Variants in PLVAP observed in about 807,000 individuals in gnomAD.
PLVAP encodes the protein plasmalemma vesicle associated protein.
A neutral mutation model predicts 43.1 loss-of-function variants in PLVAP; 34 were observed. That is an observed-to-expected ratio of 0.79 (90% CI 0.60 to 1.05). PLVAP has a LOEUF of 1.05. Among genes scored for constraint, PLVAP ranks in the 50% least tolerant of loss-of-function variants. PLVAP has a pLI of 0.00. For synonymous variants in PLVAP, 241 were observed against 237.3 expected (o/e 1.02, Z -0.14); for missense variants, 574 against 593.4 (o/e 0.97, Z 0.34).
intron 1 of PLVAP, among the ~76,000 whole-genome samples, chr19:17,371,901 G>T (rs917956592): frequency 3.3e-5 from 5 of 152,110 alleles, no homozygotes; most frequent in Admixed American, 3.3e-4. Flanking sequence ...AGGAGAGTTT[G>T]TCTTTCTGCA....
chr19:17,353,997 T>A (rs1395120189), intron 5 of PLVAP, among the ~76,000 whole-genome samples: 1 of 152,174 alleles, frequency 6.6e-6, no homozygotes, highest in Non-Finnish European at 1.5e-5. Context: ...ACTCCCATCT[T>A]AAGCCCATAC....
At chr19:17,355,034 A>G (rs540174941) in intron 5 of PLVAP, among the ~76,000 whole-genome samples, 2 of 151,238 alleles carry the variant, frequency 1.3e-5, no homozygotes, top group African/African-American at 4.8e-5. Flanking sequence ...CCAGCCTAGT[A>G]AACATGGTGA....
In PLVAP at chr19:17,365,774, C is replaced by T. The variant is rs753279889; in HGVS notation, c.691G>A (p.Asp231Asn). The change falls in exon 3 of 6, where the codon GAC (aspartate) becomes AAC (asparagine). Residue 231 changes from aspartate (D) to asparagine (N), a missense_variant. By Grantham distance (23) the Asp-to-Asn change is conservative. Coordinates refer to ENST00000252590, the MANE Select transcript of PLVAP (RefSeq NM_031310.3). ...TTACGAAGGTCCATCTCAAACTTGT[C>T]CTTGTCCAGGGGCAGGCAGAGGGCT... ...VQALCLPLDK[D>N]KFEMDLRNLW... The T allele has an allele frequency of 2.8e-5, 45 of 1,613,992 alleles. No individual in the cohort carries two copies. In the Admixed American group the frequency reaches 5.8e-4, roughly 21 times the overall value.
chr19:17,372,301 C>T (rs944313721), intron 1 of PLVAP, among the ~76,000 whole-genome samples: 40 of 149,280 alleles, frequency 2.7e-4, no homozygotes, highest in African/African-American at 7.4e-4. Context: ...CCCAGCTACT[C>T]GGGAGGCTGA....
At chr19:17,356,218 G>C (rs1040635257) in intron 5 of PLVAP, among the ~76,000 whole-genome samples, 1 of 152,212 alleles carries the variant, frequency 6.6e-6, no homozygotes, top group East Asian at 1.9e-4. Flanking sequence ...GCTGAGGCAT[G>C]AGAATCGCTT....
At position 17,352,014 on chromosome 19, in the gene PLVAP, GT is replaced by G. The variant is rs2074487663; in HGVS notation, c.*347del. On this transcript the variant is annotated 3_prime_UTR_variant, in exon 6 of 6. Transcript: ENST00000252590. ...GCATCTCGGTGTGACGTCATGCCAA[GT>G]TCCCCATGTCTGTGTGCGACGTGCT... 2.9e-6 allele frequency: 1 copy of G among 345,778 alleles called. No individual in the cohort carries two copies. The highest frequency in any genetic ancestry group is 2.1e-5 in the African/African-American group (1 of 48,272). 21.4% of individuals were successfully genotyped at this position (345,778 alleles called of 1,614,324 possible).
chr19:17,364,001 C>T (rs112025369), intron 3 of PLVAP, among the ~76,000 whole-genome samples: 153 of 152,124 alleles, frequency 1.0e-3, no homozygotes, highest in African/African-American at 3.5e-3. Context: ...CCACCTCGGC[C>T]GCCCAAAGTG....
intron 5 of PLVAP, among the ~76,000 whole-genome samples, chr19:17,355,537 T>C (rs1364028217): frequency 2.0e-5 from 3 of 149,820 alleles, no homozygotes; most frequent in African/African-American, 4.9e-5. Context: ...TAATTTTTTT[T>C]TTTTTTTTTG....
intron 1 of PLVAP, among the ~76,000 whole-genome samples, chr19:17,372,703 A>G (rs2074577749): frequency 6.7e-6 from 1 of 149,572 alleles, no homozygotes; most frequent in South Asian, 2.2e-4. Flanking sequence ...TGATCCACCC[A>G]CCTCGGCCTC....
intron 1 of PLVAP, among the ~76,000 whole-genome samples, chr19:17,376,670 T>A (rs985705671): frequency 6.6e-6 from 1 of 150,960 alleles, no homozygotes; most frequent in East Asian, 2.0e-4. Context: ...TGATGGCACA[T>A]GCCTGTAATC....
intron 5 of PLVAP, among the ~76,000 whole-genome samples, chr19:17,358,164 C>G (rs945574403): frequency 2.6e-5 from 4 of 151,596 alleles, no homozygotes; most frequent in African/African-American, 9.7e-5. Flanking sequence ...GTGGGCTGCT[C>G]AGGGCTGAGA....
At chr19:17,358,614 C>T (rs1211125680) in intron 5 of PLVAP, among the ~76,000 whole-genome samples, 4 of 152,148 alleles carry the variant, frequency 2.6e-5, no homozygotes, top group African/African-American at 9.7e-5. Context: ...CTGTGACGCA[C>T]AGGCCACCCT....
At chr19:17,354,453 C>T (rs1267446021) in intron 5 of PLVAP, among the ~76,000 whole-genome samples, 3 of 151,776 alleles carry the variant, frequency 2.0e-5, no homozygotes, top group Admixed American at 6.6e-5. Context: ...AAAAATTAGC[C>T]GGGTGTGGTG....
At chr19:17,356,802 A>C (rs1321672987) in intron 5 of PLVAP, among the ~76,000 whole-genome samples, 6 of 151,792 alleles carry the variant, frequency 4.0e-5, no homozygotes, top group Non-Finnish European at 8.8e-5. Flanking sequence ...TCTACTAAAA[A>C]AACAAAATTA....
rs1170359478 is a variant in PLVAP at position 17,377,041 on chromosome 19, T to C, written c.248A>G (p.Asn83Ser). 6.2e-7 allele frequency: 1 copy of C among 1,613,874 alleles called. No individual in the cohort carries two copies. The highest frequency in any genetic ancestry group is 8.5e-7 in the Non-Finnish European group (1 of 1,179,998). The change falls in exon 1 of 6, where the codon AAC becomes AGC. Residue 83 changes from asparagine to serine, a missense_variant. Coordinates refer to ENST00000252590, the MANE Select transcript of PLVAP (RefSeq NM_031310.3). ...GGTGAAGTTGAGCTCCTTGGTCAAG[T>C]TGGACTGGGAGGCCGTGAGCCCTAG... Reference protein sequence around the residue: ...QLLGLTASQSNLTKELNFTTR... With the variant: ...QLLGLTASQSSLTKELNFTTR...
At chr19:17,370,632 T>C (rs1169501628) in intron 1 of PLVAP, among the ~76,000 whole-genome samples, 1 of 151,790 alleles carries the variant, frequency 6.6e-6, no homozygotes, top group Non-Finnish European at 1.5e-5. Flanking sequence ...CTGTCAGGGA[T>C]TGGGGGAGGG....
chr19:17,353,939 T>C (rs1165843470), intron 5 of PLVAP, among the ~76,000 whole-genome samples: 2 of 151,952 alleles, frequency 1.3e-5, no homozygotes, highest in Admixed American at 1.3e-4. Flanking sequence ...GCGTTAACAG[T>C]GAACTTGAAC....
intron 1 of PLVAP, 45 bp from the exon 2 acceptor site, chr19:17,366,240 T>C: frequency 6.3e-7 from 1 of 1,594,536 alleles, no homozygotes; most frequent in East Asian, 2.2e-5. Flanking sequence ...GCTTAGTGTC[T>C]TGCCCCCAGG....
chr19:17,356,753 A>C (rs2145718273), intron 5 of PLVAP, among the ~76,000 whole-genome samples: 1 of 152,068 alleles, frequency 6.6e-6, no homozygotes, highest in Non-Finnish European at 1.5e-5. Flanking sequence ...TGAGGTCGGG[A>C]GTTCGAGACC....
Sources: allele counts gnomAD v4.1 joint callset (sites outside exome capture counted in the v4.1 genomes callset), GRCh38; gene constraint gnomAD v4.1.1; transcripts MANE v1.5; gene names NCBI Gene and HGNC (gene_info 2026-07-23, HGNC 2026-07-21).